The following LPP variants were observed in gnomAD, a reference collection of about 807,000 sequenced individuals.
LPP encodes the protein lipoma-preferred partner.
LPP carries 38 observed loss-of-function variants against 60.4 expected under a neutral mutation model. That is an observed-to-expected ratio of 0.63 (90% CI 0.49 to 0.83). LPP has a LOEUF of 0.83. Ranked by LOEUF, LPP falls within the 40% of genes least tolerant of loss-of-function variation. The probability of loss-of-function intolerance (pLI) is 0.00; values close to 1 mark genes in which losing one functional copy is unlikely to be tolerated. For synonymous variants in LPP, 328 were observed against 290.8 expected, an observed-to-expected ratio of 1.13 and a Z score of -1.30; for missense variants, 902 against 783.6, an observed-to-expected ratio of 1.15 and a Z score of -1.80.
chr3:188,179,568 G>A (rs768381643), intron 1 of LPP: 8 of 446,530 alleles, frequency 1.8e-5, no homozygotes, highest in South Asian at 1.1e-4. Context: ...AAGCCCTCTC[G>A]AGAGGTCTGT....
intron 8 of LPP, among the ~76,000 whole-genome samples, chr3:188,734,446 C>T (rs1193042841): frequency 6.6e-6 from 1 of 152,142 alleles, no homozygotes; most frequent in Non-Finnish European, 1.5e-5. Context: ...ACTAAATACC[C>T]CCACTTAACT....
At chr3:188,580,419 A>G (rs1472160242) in intron 6 of LPP, among the ~76,000 whole-genome samples, 1 of 152,132 alleles carries the variant, frequency 6.6e-6, no homozygotes, top group Non-Finnish European at 1.5e-5. Context: ...GTATTAAGAC[A>G]TTTGGGGTAG....
intron 2 of LPP, among the ~76,000 whole-genome samples, chr3:188,240,961 C>T (rs963287969): frequency 6.6e-6 from 1 of 152,196 alleles, no homozygotes; most frequent in Non-Finnish European, 1.5e-5. Flanking sequence ...CTATATGATT[C>T]TTTTATTTTT....
intron 4 of LPP, among the ~76,000 whole-genome samples, chr3:188,433,608 G>GAT (rs1231121615): frequency 8.9e-6 from 1 of 111,748 alleles, no homozygotes; most frequent in Non-Finnish European, 2.0e-5. Context: ...GTGAGAGAGA[G>GAT]AGAGAGAGAG....
chr3:188,342,326 T>G (rs888722895), intron 3 of LPP, among the ~76,000 whole-genome samples: 6 of 152,228 alleles, frequency 3.9e-5, no homozygotes, highest in African/African-American at 1.4e-4. Flanking sequence ...GGGGGACTGT[T>G]GGGAATGACA....
intron 7 of LPP, among the ~76,000 whole-genome samples, chr3:188,663,466 T>A (rs1039852035): frequency 1.1e-4 from 17 of 152,234 alleles, no homozygotes; most frequent in African/African-American, 3.6e-4. Context: ...AAACAAGTTT[T>A]TACTTTTCTT....
chr3:188,836,154 G>C (rs940005781), intron 9 of LPP, among the ~76,000 whole-genome samples: 3 of 152,224 alleles, frequency 2.0e-5, no homozygotes, highest in Non-Finnish European at 4.4e-5. Context: ...GAAGAAGACA[G>C]TAATGAAAAA....
chr3:188,195,335 A>G (rs147522194), intron 1 of LPP, among the ~76,000 whole-genome samples: 6 of 152,316 alleles, frequency 3.9e-5, no homozygotes, highest in African/African-American at 1.4e-4. Flanking sequence ...TTTAGAAAGA[A>G]TGAAACTTAC....
At chr3:188,537,461 T>C (rs187562212) in intron 6 of LPP, among the ~76,000 whole-genome samples, 1 of 152,208 alleles carries the variant, frequency 6.6e-6, no homozygotes, top group Admixed American at 6.5e-5. Context: ...TTCAAGACAG[T>C]GGCCATTGTG....
At chr3:188,215,308 A>T (rs1254918541) in intron 1 of LPP, among the ~76,000 whole-genome samples, 1 of 151,968 alleles carries the variant, frequency 6.6e-6, no homozygotes, top group Non-Finnish European at 1.5e-5. Flanking sequence ...CCTGTCTCAG[A>T]AAAAGAAAAA....
chr3:188,671,570 C>T (rs747362153), intron 7 of LPP, among the ~76,000 whole-genome samples: 3 of 152,116 alleles, frequency 2.0e-5, no homozygotes, highest in Non-Finnish European at 2.9e-5. Flanking sequence ...GACAAGCTTT[C>T]GTTAATGTTA....
intron 8 of LPP, among the ~76,000 whole-genome samples, chr3:188,733,714 CTT>C (rs1339445021): frequency 6.6e-6 from 1 of 152,170 alleles, no homozygotes; most frequent in African/African-American, 2.4e-5. Flanking sequence ...TGTTAACAAA[CTT>C]ATATTAACAA....
At chr3:188,328,742 A>G (rs1444115714) in intron 2 of LPP, among the ~76,000 whole-genome samples, 3 of 152,340 alleles carry the variant, frequency 2.0e-5, no homozygotes, top group African/African-American at 7.2e-5. Context: ...GTTTCATGGT[A>G]CTTCCCAGAG....
rs199526839 is a variant in LPP, at chr3:188,334,427, T to TC, written c.-66-7236_-66-7235insC. The stretch of plus-strand genomic sequence containing the variant: ...GGATCTTACGATATTTCTTTCTTTT[T>TC]TTTTTTTTTTTTTTTGAGACGGAGT... On this transcript the variant is annotated intron_variant, in intron 2 of 11. Coordinates refer to ENST00000617246, the MANE Select transcript of LPP (RefSeq NM_001375462.1). 4.2e-3 allele frequency among the ~76,000 whole-genome samples: 620 copies of TC among 146,036 alleles called. 14 individuals carry two copies. The highest frequency in any genetic ancestry group is 0.029 in the East Asian group (145 of 4,940).
rs557114196 is a variant in LPP, at chr3:188,606,711, C to T, written c.430-2450C>T. Among the ~76,000 whole-genome samples the T allele has an allele frequency of 3.7e-4, 56 of 152,164 alleles. 2 individuals carry two copies. In the South Asian group the frequency reaches 0.011, roughly 30 times the overall value. ...CAGTTAAGACTCCAACATTCTATTACAGAGGACGTGGAAAAGGCATTTTGA... is the reference window on the plus strand; with the variant it reads ...CAGTTAAGACTCCAACATTCTATTATAGAGGACGTGGAAAAGGCATTTTGA... On this transcript the variant is annotated intron_variant, in intron 6 of 11. Coordinates refer to ENST00000617246, the MANE Select transcript of LPP (RefSeq NM_001375462.1).
intron 1 of LPP, among the ~76,000 whole-genome samples, chr3:188,186,409 G>A (rs1193122562): frequency 6.6e-6 from 1 of 152,134 alleles, no homozygotes; most frequent in African/African-American, 2.4e-5. Flanking sequence ...GGAAAGAGAA[G>A]TTCTTAAAAG....
intron 4 of LPP, among the ~76,000 whole-genome samples, chr3:188,482,867 A>C (rs1174833817): frequency 6.6e-6 from 1 of 152,168 alleles, no homozygotes; most frequent in Non-Finnish European, 1.5e-5. Flanking sequence ...GTGGTTATTA[A>C]AGTGTGCTGT....
intron 1 of LPP, among the ~76,000 whole-genome samples, chr3:188,196,265 G>T (rs1577227145): frequency 6.6e-6 from 1 of 152,254 alleles, no homozygotes; most frequent in South Asian, 2.1e-4. Context: ...CTGAACTTCA[G>T]GCCCACACTC....
At chr3:188,275,844 T>A (rs555337697) in intron 2 of LPP, among the ~76,000 whole-genome samples, 6 of 152,170 alleles carry the variant, frequency 3.9e-5, no homozygotes, top group African/African-American at 1.2e-4. Flanking sequence ...CCTGGCTAAT[T>A]TTTTTGTTTT....
Sources: gnomAD v4.1 joint callset for allele counts (sites outside exome capture counted in the v4.1 genomes callset) on GRCh38, gnomAD v4.1.1 for gene constraint, MANE v1.5 for transcripts, NCBI Gene and HGNC (gene_info 2026-07-23, HGNC 2026-07-21) for gene names.